CEBPB: variants seen among roughly 807,000 people sequenced by gnomAD.
CEBPB encodes CCAAT/enhancer-binding protein beta.
For synonymous variants in CEBPB, 295 were observed against 267.1 expected (o/e 1.10, Z -1.02); for missense variants, 498 against 533.1 (o/e 0.93, Z 0.65).
chr20:50,191,200 C>T lies in CEBPB; in HGVS notation c.167C>T (p.Pro56Leu), dbSNP rs533532702. The T allele has an allele frequency of 1.5e-6, 2 of 1,305,960 alleles. No homozygotes were observed. The highest frequency in any genetic ancestry group is 1.6e-5 in the African/African-American group (1 of 64,012). 80.9% of individuals were successfully genotyped at this position (1,305,960 alleles called of 1,614,324 possible). Residue 56 changes from proline to leucine, a missense_variant, in exon 1 of 1, where the codon CCG (proline) becomes CTG (leucine). By Grantham distance (98) the Pro-to-Leu change is moderately conservative. Transcript: ENST00000303004. ...PAAPPAARPG[P>L]RPPAGELGSI... ...GCGCCCCCCGCGGCCAGACCCGGGCCGCGCCCCCCCGCCGGCGAGCTGGGC... is the reference window on the plus strand; with the variant it reads ...GCGCCCCCCGCGGCCAGACCCGGGCTGCGCCCCCCCGCCGGCGAGCTGGGC...
In CEBPB at chr20:50,191,142, G is replaced by T. The variant is rs1224443397; in HGVS notation, c.109G>T (p.Ala37Ser). 4 of 1,532,074 alleles carry T rather than the reference G, an allele frequency of 2.6e-6. No individual in the cohort carries two copies. The highest frequency in any genetic ancestry group is 3.5e-6 in the Non-Finnish European group (4 of 1,144,732). The allele number at this position is 1,532,074 out of a possible 1,614,324, so 94.9% of individuals were successfully genotyped here. ...ANFYYEADCL[A>S]AAYGGKAAPA... Reference sequence around the variant, plus strand: ...CTTCTACTACGAGGCGGACTGCTTGGCTGCTGCGTACGGCGGCAAGGCGGC... The same window carrying T: ...CTTCTACTACGAGGCGGACTGCTTGTCTGCTGCGTACGGCGGCAAGGCGGC... The change falls in exon 1 of 1, where the codon GCT becomes TCT. Residue 37 changes from alanine (A) to serine (S), a missense_variant. Coordinates refer to ENST00000303004, the MANE Select transcript of CEBPB (RefSeq NM_005194.4).
In CEBPB at chr20:50,191,561, G is replaced by A; in HGVS notation, c.528G>A (p.Glu176=). ...CGCCGCCCGCCGAGCTCAAGGCGGA[G>A]CCGGGCTTCGAGCCCGCGGACTGCA... ...PPPPPAELKA[E]PGFEPADCKR... is the part of the protein sequence containing the mutation. The change falls in exon 1 of 1, where the codon GAG becomes GAA. Residue 176 remains glutamate (E), a synonymous_variant. Transcript: ENST00000303004. 1 of 1,338,718 alleles carries A rather than the reference G, an allele frequency of 7.5e-7. No individual in the cohort carries two copies. 82.9% of individuals were successfully genotyped at this position (1,338,718 alleles called of 1,614,324 possible).
Position 50,191,743 on chromosome 20 carries a change from G to A in CEBPB, c.710G>A (p.Ser237Asn), listed in dbSNP as rs757080333. 2.6e-6 allele frequency: 4 copies of A among 1,528,188 alleles called. No individual in the cohort carries two copies. The highest frequency in any genetic ancestry group is 3.5e-6 in the Non-Finnish European group (4 of 1,140,646). 94.7% of individuals were successfully genotyped at this position (1,528,188 alleles called of 1,614,324 possible). Reference sequence around the variant, plus strand: ...TCGTCCAGCCCGCCCGGCACGCCGAGCCCCGCTGACGCCAAGGCGCCCCCG... The same window carrying A: ...TCGTCCAGCCCGCCCGGCACGCCGAACCCCGCTGACGCCAAGGCGCCCCCG... ...SSSSSPPGTP[S>N]PADAKAPPTA... Residue 237 changes from serine (S) to asparagine (N), a missense_variant, in exon 1 of 1, where the codon AGC (serine) becomes AAC (asparagine). Ser to Asn is a conservative substitution (Grantham distance 46, BLOSUM62 1). Coordinates refer to ENST00000303004, the MANE Select transcript of CEBPB (RefSeq NM_005194.4).
Position 50,192,095 on chromosome 20 carries a change from T to TGCCG in CEBPB, c.*30_*33dup. 6.7e-7 allele frequency: 1 copy of TGCCG among 1,489,166 alleles called. No homozygotes were observed. Among genetic ancestry groups the TGCCG allele is most frequent in the African/African-American group, 1.5e-5 (1 of 68,374 alleles). The allele number at this position is 1,489,166 out of a possible 1,614,324, so 92.2% of individuals were successfully genotyped here. A position where few individuals can be genotyped will look rare whatever the true frequency, so the allele number is the denominator to read the frequency against. ...AGCGCGGCCCCCGCGCGCGTCCCCCTGCCGGCCGGGGCTGAGACTCCGGGG... is the reference window on the plus strand; with the variant it reads ...AGCGCGGCCCCCGCGCGCGTCCCCCTGCCGGCCGGCCGGGGCTGAGACTCCGGGG... On this transcript the variant is annotated 3_prime_UTR_variant, in exon 1 of 1. Transcript: ENST00000303004.
At position 50,190,948 on chromosome 20, in the gene CEBPB, G is replaced by C; in HGVS notation, c.-86G>C. 7.5e-7 allele frequency: 1 copy of C among 1,332,788 alleles called. No individual in the cohort carries two copies. Among genetic ancestry groups the C allele is most frequent in the Non-Finnish European group, 9.5e-7 (1 of 1,048,446 alleles). The allele number at this position is 1,332,788 out of a possible 1,614,324, so 82.6% of individuals were successfully genotyped here. On this transcript the variant is annotated 5_prime_UTR_variant, in exon 1 of 1. Coordinates refer to ENST00000303004, the MANE Select transcript of CEBPB (RefSeq NM_005194.4). ...CGGCAGCAGCAGCAGCGACGCAGCG[G>C]CGACAGCTCAGAGCAGGGAGGCCGC...
Position 50,190,847 on chromosome 20 carries a change from C to A in CEBPB, c.-187C>A. On this transcript the variant is annotated 5_prime_UTR_variant, in exon 1 of 1. Coordinates refer to ENST00000303004, the MANE Select transcript of CEBPB (RefSeq NM_005194.4). ...GAAACTTTAGCGAGTCAGAGCCGCGCACGGGACTGGGAAGGGGACCCACCC... is the reference window on the plus strand; with the variant it reads ...GAAACTTTAGCGAGTCAGAGCCGCGAACGGGACTGGGAAGGGGACCCACCC... 2 of 566,158 alleles carry A rather than the reference C, an allele frequency of 3.5e-6. No individual in the cohort carries two copies. Among genetic ancestry groups the A allele is most frequent in the Non-Finnish European group, 5.4e-6 (2 of 370,498 alleles). 35.1% of individuals were successfully genotyped at this position (566,158 alleles called of 1,614,324 possible). A position where few individuals can be genotyped will look rare whatever the true frequency, so the allele number is the denominator to read the frequency against.
In CEBPB at chr20:50,192,142, G is replaced by GC. The variant is rs1445932209; in HGVS notation, c.*76dup. 8.2e-7 allele frequency: 1 copy of GC among 1,217,570 alleles called. No homozygotes were observed. Among genetic ancestry groups the GC allele is most frequent in the South Asian group, 4.0e-5 (1 of 25,300 alleles). 75.4% of individuals were successfully genotyped at this position (1,217,570 alleles called of 1,614,324 possible). A position where few individuals can be genotyped will look rare whatever the true frequency, so the allele number is the denominator to read the frequency against. ...GGGGAGCGCCCGCGCCCGCGCCCTC[G>GC]CCCCCGCCCCCGGCGGCGCCGGCAA... On this transcript the variant is annotated 3_prime_UTR_variant, in exon 1 of 1. Coordinates refer to ENST00000303004, the MANE Select transcript of CEBPB (RefSeq NM_005194.4).
Position 50,191,205 on chromosome 20 carries a change from C to T in CEBPB, c.172C>T (p.Pro58Ser). 2.3e-6 allele frequency: 3 copies of T among 1,304,674 alleles called. No individual in the cohort carries two copies. Among genetic ancestry groups the T allele is most frequent in the Non-Finnish European group, 1.9e-6 (2 of 1,029,634 alleles). The allele number at this position is 1,304,674 out of a possible 1,614,324, so 80.8% of individuals were successfully genotyped here. A position where few individuals can be genotyped will look rare whatever the true frequency, so the allele number is the denominator to read the frequency against. ...APPAARPGPR[P>S]PAGELGSIGD... Reference sequence around the variant, plus strand: ...CCCCGCGGCCAGACCCGGGCCGCGCCCCCCCGCCGGCGAGCTGGGCAGCAT... The same window carrying T: ...CCCCGCGGCCAGACCCGGGCCGCGCTCCCCCGCCGGCGAGCTGGGCAGCAT... The change falls in exon 1 of 1, where the codon CCC becomes TCC. Residue 58 changes from proline (P) to serine (S), a missense_variant. Physicochemically the swap from Pro to Ser is moderately conservative, Grantham distance 74. Coordinates refer to ENST00000303004, the MANE Select transcript of CEBPB (RefSeq NM_005194.4).
rs2081580488 is a variant in CEBPB at position 50,191,795 on chromosome 20, G to A, written c.762G>A (p.Pro254=). Residue 254 remains proline, a synonymous_variant, in exon 1 of 1, where the codon CCG becomes CCA. Transcript: ENST00000303004. ...CCGCCTGCTACGCGGGGGCCGCGCC[G>A]GCGCCCTCGCAGGTCAAGAGCAAGG... ...PPTACYAGAA[P]APSQVKSKAK... 1 of 1,554,922 alleles carries A rather than the reference G, an allele frequency of 6.4e-7. No homozygotes were observed. Among genetic ancestry groups the A allele is most frequent in the Non-Finnish European group, 8.7e-7 (1 of 1,151,124 alleles).
chr20:50,190,712 G>T (rs1041148424), upstream of CEBPB: 6 of 214,142 alleles, frequency 2.8e-5, no homozygotes, highest in Admixed American at 2.4e-4. Context: ...TCCTCCCGGG[G>T]GTCTCGGGCG....
chr20:50,191,254 A>C lies in CEBPB; in HGVS notation c.221A>C (p.Asp74Ala). 1 of 1,291,794 alleles carries C rather than the reference A, an allele frequency of 7.7e-7. No homozygotes were observed. Among genetic ancestry groups the C allele is most frequent in the Non-Finnish European group, 9.8e-7 (1 of 1,018,486 alleles). The allele number at this position is 1,291,794 out of a possible 1,614,324, so 80.0% of individuals were successfully genotyped here. A position where few individuals can be genotyped will look rare whatever the true frequency, so the allele number is the denominator to read the frequency against. ...ATCGGCGACCACGAGCGCGCCATCG[A>C]CTTCAGCCCGTACCTGGAGCCGCTG... ...GSIGDHERAI[D>A]FSPYLEPLGA... is the part of the protein sequence containing the mutation. Residue 74 changes from aspartate (D) to alanine (A), a missense_variant, in exon 1 of 1, where the codon GAC (aspartate) becomes GCC (alanine). Physicochemically the swap from Asp to Ala is moderately radical, Grantham distance 126 (BLOSUM62 -2). Coordinates refer to ENST00000303004, the MANE Select transcript of CEBPB (RefSeq NM_005194.4).
chr20:50,191,960 G>C lies in CEBPB; in HGVS notation c.927G>C (p.Glu309Asp). ...ACAAGGTCCTGGAGCTCACGGCCGA[G>C]AACGAGCGGCTGCAGAAGAAGGTGG... ...TQHKVLELTA[E>D]NERLQKKVEQ... Residue 309 changes from glutamate (E) to aspartate (D), a missense_variant, in exon 1 of 1, where the codon GAG becomes GAC. By Grantham distance (45) the Glu-to-Asp change is conservative. Transcript: ENST00000303004. 6.2e-7 allele frequency: 1 copy of C among 1,612,156 alleles called. No individual in the cohort carries two copies. The highest frequency in any genetic ancestry group is 8.5e-7 in the Non-Finnish European group (1 of 1,179,456).
Position 50,191,472 on chromosome 20 carries a change from G to C in CEBPB, c.439G>C (p.Ala147Pro), listed in dbSNP as rs777472730. The C allele has an allele frequency of 6.1e-6, 9 of 1,484,534 alleles. No homozygotes were observed. The African/African-American group carries it at 1.3e-4, about 22-fold the overall frequency. 92.0% of individuals were successfully genotyped at this position (1,484,534 alleles called of 1,614,324 possible). ...YGYVSLGRLG[A>P]AKGALHPGCF... ...CTACGTGAGCCTGGGGCGCCTGGGGGCCGCCAAGGGCGCGCTGCACCCCGG... is the reference window on the plus strand; with the variant it reads ...CTACGTGAGCCTGGGGCGCCTGGGGCCCGCCAAGGGCGCGCTGCACCCCGG... Residue 147 changes from alanine to proline, a missense_variant, in exon 1 of 1, where the codon GCC (alanine) becomes CCC (proline). Coordinates refer to ENST00000303004, the MANE Select transcript of CEBPB (RefSeq NM_005194.4).
chr20:50,191,086 C>G lies in CEBPB; in HGVS notation c.53C>G (p.Pro18Arg). 6.4e-7 allele frequency: 1 copy of G among 1,557,034 alleles called. No homozygotes were observed. Among genetic ancestry groups the G allele is most frequent in the South Asian group, 1.2e-5 (1 of 86,650 alleles). The change falls in exon 1 of 1, where the codon CCG (proline) becomes CGG (arginine). Residue 18 changes from proline (P) to arginine (R), a missense_variant. By Grantham distance (103) the Pro-to-Arg change is moderately radical. Transcript: ENST00000303004. ...DPACLPLPPPPPAFKSMEVAN... is the reference protein window; with the variant it reads ...DPACLPLPPPRPAFKSMEVAN... ...GCATGTCTCCCCCTGCCGCCGCCGC[C>G]GCCTGCCTTTAAATCCATGGAAGTG...
Position 50,190,855 on chromosome 20 carries a change from T to G in CEBPB, c.-179T>G, listed in dbSNP as rs1294465344. 1 of 655,258 alleles carries G rather than the reference T, an allele frequency of 1.5e-6. No individual in the cohort carries two copies. The highest frequency in any genetic ancestry group is 1.9e-5 in the African/African-American group (1 of 51,972). The allele number at this position is 655,258 out of a possible 1,614,324, so 40.6% of individuals were successfully genotyped here. ...AGCGAGTCAGAGCCGCGCACGGGAC[T>G]GGGAAGGGGACCCACCCGAGGGTCC... On this transcript the variant is annotated 5_prime_UTR_variant, in exon 1 of 1. Transcript: ENST00000303004.
At position 50,191,429 on chromosome 20, in the gene CEBPB, G is replaced by A. The variant is rs1347018897; in HGVS notation, c.396G>A (p.Lys132=). ...ACGACTACGGGGGCAAGAACTGCAAGAAGCCGGCCGAGTACGGCTACGTGA... is the reference window on the plus strand; with the variant it reads ...ACGACTACGGGGGCAAGAACTGCAAAAAGCCGGCCGAGTACGGCTACGTGA... ...FSDDYGGKNC[K]KPAEYGYVSL... is the part of the protein sequence containing the mutation. The change falls in exon 1 of 1, where the codon AAG becomes AAA. Residue 132 remains lysine (K), a synonymous_variant. Transcript: ENST00000303004. 1.3e-6 allele frequency: 2 copies of A among 1,523,340 alleles called. No individual in the cohort carries two copies. Among genetic ancestry groups the A allele is most frequent in the Non-Finnish European group, 1.8e-6 (2 of 1,133,406 alleles). 94.4% of individuals were successfully genotyped at this position (1,523,340 alleles called of 1,614,324 possible).
At chr20:50,192,679 T>G (rs1341029862), downstream of CEBPB, 3 of 166,606 alleles carry the variant, frequency 1.8e-5, no homozygotes, top group African/African-American at 7.3e-5. Context: ...CAAAGCCTTT[T>G]GGGGGCAGTA....
At position 50,192,210 on chromosome 20, in the gene CEBPB, G is replaced by A. The variant is rs45491391; in HGVS notation, c.*139G>A. 1.0e-5 allele frequency: 5 copies of A among 483,814 alleles called. No individual in the cohort carries two copies. The highest frequency in any genetic ancestry group is 1.5e-5 in the Non-Finnish European group (5 of 332,512). 30.0% of individuals were successfully genotyped at this position (483,814 alleles called of 1,614,324 possible). A position where few individuals can be genotyped will look rare whatever the true frequency, so the allele number is the denominator to read the frequency against. Reference sequence around the variant, plus strand: ...ACTTGGCAGCGCGGGGAGCCCGTCGGTAATTTTAATATTTTATTATATATA... The same window carrying A: ...ACTTGGCAGCGCGGGGAGCCCGTCGATAATTTTAATATTTTATTATATATA... On this transcript the variant is annotated 3_prime_UTR_variant, in exon 1 of 1. Transcript: ENST00000303004.
chr20:50,192,174 G>A lies in CEBPB; in HGVS notation c.*103G>A. The A allele has an allele frequency of 2.2e-6, 2 of 893,272 alleles. No individual in the cohort carries two copies. The highest frequency in any genetic ancestry group is 2.9e-6 in the Non-Finnish European group (2 of 681,410). The allele number at this position is 893,272 out of a possible 1,614,324, so 55.3% of individuals were successfully genotyped here. On this transcript the variant is annotated 3_prime_UTR_variant, in exon 1 of 1. Transcript: ENST00000303004. ...CCCCCGGCGGCGCCGGCAAAACTTT[G>A]GCACTGGGGCACTTGGCAGCGCGGG...
Sources: gnomAD v4.1 joint callset for allele counts on GRCh38, gnomAD v4.1.1 for gene constraint, MANE v1.5 for transcripts, NCBI Gene and HGNC (gene_info 2026-07-23, HGNC 2026-07-21) for gene names.